SHISA6: variants seen among roughly 807,000 people sequenced by gnomAD.
The protein encoded by SHISA6 is protein shisa-6.
In SHISA6, 22 loss-of-function variants were observed where a neutral mutation model predicts 47.9. That is an observed-to-expected ratio of 0.46 (90% CI 0.33 to 0.66). The LOEUF is 0.66. Ranked by LOEUF, SHISA6 falls within the 30% of genes least tolerant of loss-of-function variation. SHISA6 has a pLI of 0.02. For missense variants in SHISA6, 680 were observed against 764.6 expected, an observed-to-expected ratio of 0.89 and a Z score of 1.30; for synonymous variants, 388 against 337.8, an observed-to-expected ratio of 1.15 and a Z score of -1.63.
chr17:11,254,544 G>A (rs1907937010), intron 1 of SHISA6, among the ~76,000 whole-genome samples: 1 of 152,190 alleles, frequency 6.6e-6, no homozygotes, highest in South Asian at 2.1e-4. Flanking sequence ...GCATTTTAGT[G>A]ACTCTCTCTT....
At chr17:11,253,732 T>C (rs1372003970) in intron 1 of SHISA6, among the ~76,000 whole-genome samples, 1 of 152,204 alleles carries the variant, frequency 6.6e-6, no homozygotes, top group Non-Finnish European at 1.5e-5. Flanking sequence ...TTCTTGTTTC[T>C]TTTCTTTTTC....
intron 2 of SHISA6, among the ~76,000 whole-genome samples, chr17:11,308,788 C>G (rs932212158): frequency 2.0e-5 from 3 of 152,244 alleles, no homozygotes; most frequent in Admixed American, 1.3e-4. Flanking sequence ...CAGGCAACAG[C>G]TGTAAAGAAA....
intron 3 of SHISA6, among the ~76,000 whole-genome samples, chr17:11,381,145 T>C (rs191135789): frequency 2.8e-3 from 429 of 152,168 alleles, no homozygotes; most frequent in African/African-American, 9.8e-3. Flanking sequence ...GGTGGAAATA[T>C]GGATTTCCAA....
At chr17:11,500,488 G>T (rs1478722724) in intron 3 of SHISA6, among the ~76,000 whole-genome samples, 1 of 152,178 alleles carries the variant, frequency 6.6e-6, no homozygotes, top group East Asian at 1.9e-4. Context: ...TTGTAGGTGA[G>T]GAAACTGAGG....
rs143453932 is a variant in SHISA6 at position 11,370,432 on chromosome 17, T to C, written c.800-8982T>C. 2.7e-3 allele frequency among the ~76,000 whole-genome samples: 404 copies of C among 152,314 alleles called. 2 individuals are homozygous for C. Among genetic ancestry groups the C allele is most frequent in the Non-Finnish European group, 4.1e-3 (278 of 68,030 alleles). ...TCCCATATTTACGTTTTTGTTTGTT[T>C]CTTTGTTTTTGGTTTCAAACACAAA... On this transcript the variant is annotated intron_variant, in intron 2 of 5. Transcript: ENST00000441885.
At chr17:11,282,549 G>T (rs1426912474) in intron 2 of SHISA6, among the ~76,000 whole-genome samples, 1 of 152,040 alleles carries the variant, frequency 6.6e-6, no homozygotes, top group Non-Finnish European at 1.5e-5. Flanking sequence ...CCCTCCCCCA[G>T]TCCCCCACCT....
In SHISA6 at chr17:11,331,090, C is replaced by A. The variant is rs112240163; in HGVS notation, c.800-48324C>A. On this transcript the variant is annotated intron_variant, in intron 2 of 5. Coordinates refer to ENST00000441885, the MANE Select transcript of SHISA6 (RefSeq NM_207386.4). ...TCAGATTCCCCCATCTGGGAGCCTG[C>A]AGGAGAAACATCTGCGCAGTAACTC... Among the ~76,000 whole-genome samples, 136 of 152,310 alleles carry A rather than the reference C, an allele frequency of 8.9e-4. 2 individuals carry two copies. Among genetic ancestry groups the A allele is most frequent in the Non-Finnish European group, 1.7e-3 (114 of 68,032 alleles).
Position 11,563,908 on chromosome 17 carries a change from T to C in SHISA6, c.*5604T>C, listed in dbSNP as rs915726922. ...GGTAAGCAGTGCTCTAGTAACTGCT[T>C]CTCTGTACAAATCTCATCGTTCTAC... On this transcript the variant is annotated 3_prime_UTR_variant, in exon 6 of 6. Transcript: ENST00000441885. The C allele has an allele frequency of 3.3e-5, 5 of 152,220 alleles. No individual in the cohort carries two copies. The highest frequency in any genetic ancestry group is 1.2e-4 in the African/African-American group (5 of 41,454). 9.4% of individuals were successfully genotyped at this position (152,220 alleles called of 1,614,324 possible).
At chr17:11,459,461 G>T (rs981252723) in intron 3 of SHISA6, among the ~76,000 whole-genome samples, 1 of 152,152 alleles carries the variant, frequency 6.6e-6, no homozygotes, top group Non-Finnish European at 1.5e-5. Flanking sequence ...GGTGTACAGG[G>T]TATGGCTCTT....
chr17:11,550,927 A>T (rs923374384), intron 3 of SHISA6, among the ~76,000 whole-genome samples: 1 of 152,244 alleles, frequency 6.6e-6, no homozygotes, highest in African/African-American at 2.4e-5. Context: ...TGGAATGAGT[A>T]GCCAGAGTAT....
intron 3 of SHISA6, among the ~76,000 whole-genome samples, chr17:11,486,711 A>G (rs1597545480): frequency 6.6e-6 from 1 of 152,072 alleles, no homozygotes. Flanking sequence ...TCTTTCCTGC[A>G]CCCCAGCATC....
chr17:11,332,752 T>C (rs1018354622), intron 2 of SHISA6, among the ~76,000 whole-genome samples: 5 of 152,178 alleles, frequency 3.3e-5, no homozygotes, highest in Non-Finnish European at 5.9e-5. Context: ...AGCATCTAGA[T>C]GATCAGATCT....
intron 2 of SHISA6, among the ~76,000 whole-genome samples, chr17:11,274,641 G>A (rs927966490): frequency 2.0e-5 from 3 of 152,164 alleles, no homozygotes; most frequent in African/African-American, 7.2e-5. Context: ...AAAGATGGAG[G>A]AGGAGACGGC....
chr17:11,441,677 C>T (rs948014113), intron 3 of SHISA6, among the ~76,000 whole-genome samples: 1 of 152,104 alleles, frequency 6.6e-6, no homozygotes, highest in Non-Finnish European at 1.5e-5. Flanking sequence ...GATTGAAGCC[C>T]AAAATGTATT....
chr17:11,400,776 T>C (rs1035581719), intron 3 of SHISA6, among the ~76,000 whole-genome samples: 16 of 152,210 alleles, frequency 1.1e-4, no homozygotes, highest in African/African-American at 3.9e-4. Flanking sequence ...CTGGTGTACT[T>C]AATCTTTCAC....
At chr17:11,327,803 AAACAAAACAG>A (rs1910953228) in intron 2 of SHISA6, among the ~76,000 whole-genome samples, 7 of 152,142 alleles carry the variant, frequency 4.6e-5, no homozygotes. Flanking sequence ...TCTCAAAACA[AAACAAAACAG>A]AACAAAACAA....
intron 3 of SHISA6, among the ~76,000 whole-genome samples, chr17:11,479,919 A>G (rs1483022139): frequency 6.6e-6 from 1 of 151,920 alleles, no homozygotes; most frequent in Non-Finnish European, 1.5e-5. Context: ...TTTCTAACCT[A>G]TATCATTTTC....
rs1420619176 is a variant in SHISA6 at position 11,255,057 on chromosome 17, C to T, written c.639-8309C>T. Among the ~76,000 whole-genome samples, 5 of 152,338 alleles carry T rather than the reference C, an allele frequency of 3.3e-5. No homozygotes were observed. In the East Asian group the frequency reaches 9.7e-4, roughly 29 times the overall value. ...GCAGCTTTGCTTTGTGGCAGGGATCCATCTCCCATACCACTATGTCAACAG... is the reference window on the plus strand; with the variant it reads ...GCAGCTTTGCTTTGTGGCAGGGATCTATCTCCCATACCACTATGTCAACAG... On this transcript the variant is annotated intron_variant, in intron 1 of 5. Transcript: ENST00000441885.
intron 2 of SHISA6, among the ~76,000 whole-genome samples, chr17:11,321,700 G>C (rs957584408): frequency 2.0e-5 from 3 of 152,094 alleles, no homozygotes; most frequent in Admixed American, 6.6e-5. Flanking sequence ...TCCTTTTCAG[G>C]CTAATCAAGT....
Sources: gnomAD v4.1 joint callset for allele counts (sites outside exome capture counted in the v4.1 genomes callset) on GRCh38, gnomAD v4.1.1 for gene constraint, MANE v1.5 for transcripts, NCBI Gene and HGNC (gene_info 2026-07-23, HGNC 2026-07-21) for gene names.